CFTR: variants seen among roughly 807,000 people sequenced by gnomAD.
The protein encoded by CFTR is cystic fibrosis transmembrane conductance regulator.
Under a neutral mutation model 171.6 loss-of-function variants are expected in CFTR, and 181 were observed. That is an observed-to-expected ratio of 1.05 (90% CI 0.93 to 1.19). The LOEUF (loss-of-function observed/expected upper bound fraction) is 1.19, where lower values mean the gene tolerates loss of function less well. CFTR is among the 50% of genes most tolerant of loss of function. The pLI is 0.00. For missense variants in CFTR, 1,968 were observed against 1,734.7 expected, an observed-to-expected ratio of 1.13 and a Z score of -2.39; for synonymous variants, 583 against 608.0, an observed-to-expected ratio of 0.96 and a Z score of 0.60.
chr7:117,480,283 A>G, intron 1 of CFTR, 136 bp downstream of exon 1: 1 of 802,906 alleles, frequency 1.2e-6, no homozygotes, highest in Non-Finnish European at 2.2e-6. Flanking sequence ...TTGAAAGAAA[A>G]TGTGGGTATT....
In CFTR at chr7:117,667,904, GAAAGTGACAA is replaced by G. The variant is rs1730197338; in HGVS notation, c.*797_*806del. Reference sequence around the variant, plus strand: ...GTTGATATGCCTTTTCCCAACTCCAGAAAGTGACAAGCTCACAGACCTTTGAACTAGAGTT... The same window carrying G: ...GTTGATATGCCTTTTCCCAACTCCAGGCTCACAGACCTTTGAACTAGAGTT... On this transcript the variant is annotated 3_prime_UTR_variant, in exon 27 of 27. Transcript: ENST00000003084. 1 of 152,392 alleles carries G rather than the reference GAAAGTGACAA, an allele frequency of 6.6e-6. No individual in the cohort carries two copies. The highest frequency in any genetic ancestry group is 1.5e-5 in the Non-Finnish European group (1 of 68,216). 9.4% of individuals were successfully genotyped at this position (152,392 alleles called of 1,614,324 possible). A position where few individuals can be genotyped will look rare whatever the true frequency, so the allele number is the denominator to read the frequency against.
intron 11 of CFTR, among the ~76,000 whole-genome samples, chr7:117,581,386 CT>C (rs910419192): frequency 6.0e-5 from 9 of 151,204 alleles, no homozygotes; most frequent in East Asian, 3.9e-4. Context: ...TAAAAATCTG[CT>C]TTTTTTTTGT....
At chr7:117,578,571 G>A (rs1392935109) in intron 11 of CFTR, among the ~76,000 whole-genome samples, 4 of 152,004 alleles carry the variant, frequency 2.6e-5, no homozygotes, top group South Asian at 2.1e-4. Context: ...TTGTCCAAGG[G>A]CGTTGTCCAA....
At chr7:117,562,135 C>G (rs1464665934) in intron 11 of CFTR, among the ~76,000 whole-genome samples, 2 of 152,112 alleles carry the variant, frequency 1.3e-5, no homozygotes, top group Non-Finnish European at 2.9e-5. Flanking sequence ...TATTATCTCC[C>G]TTTGAGGTAA....
At chr7:117,501,472 G>A (rs374060774) in intron 1 of CFTR, among the ~76,000 whole-genome samples, 3 of 151,422 alleles carry the variant, frequency 2.0e-5, no homozygotes, top group East Asian at 1.9e-4. Flanking sequence ...TTGGCTGGGC[G>A]CACTGGCTCA....
At chr7:117,596,998 A>G (rs1254817284) in intron 15 of CFTR, among the ~76,000 whole-genome samples, 1 of 152,176 alleles carries the variant, frequency 6.6e-6, no homozygotes, top group Non-Finnish European at 1.5e-5. Flanking sequence ...TGTAAAACCA[A>G]TCTGCTGTCT....
At chr7:117,526,182 CA>C (rs916638534) in intron 3 of CFTR, among the ~76,000 whole-genome samples, 3 of 151,846 alleles carry the variant, frequency 2.0e-5, no homozygotes, top group African/African-American at 7.3e-5. Flanking sequence ...ACAGTGCAAT[CA>C]AACTAGAACT....
Position 117,667,792 on chromosome 7 carries a change from A to G in CFTR, c.*684A>G, listed in dbSNP as rs146818281. On this transcript the variant is annotated 3_prime_UTR_variant, in exon 27 of 27. Coordinates refer to ENST00000003084, the MANE Select transcript of CFTR (RefSeq NM_000492.4). Reference sequence around the variant, plus strand: ...GTCCAGGTCTACCAAAAATCTCAATATTTCAGATAATCACAATACATCCCT... The same window carrying G: ...GTCCAGGTCTACCAAAAATCTCAATGTTTCAGATAATCACAATACATCCCT... The G allele has an allele frequency of 1.4e-3, 226 of 156,868 alleles. No homozygotes were observed. Among genetic ancestry groups the G allele is most frequent in the Non-Finnish European group, 2.5e-3 (176 of 70,698 alleles). The allele number at this position is 156,868 out of a possible 1,614,324, so 9.7% of individuals were successfully genotyped here. A position where few individuals can be genotyped will look rare whatever the true frequency, so the allele number is the denominator to read the frequency against.
intron 23 of CFTR, among the ~76,000 whole-genome samples, chr7:117,651,428 T>C (rs1793088074): frequency 6.6e-6 from 1 of 152,190 alleles, no homozygotes; most frequent in African/African-American, 2.4e-5. Flanking sequence ...TAATTCTCTT[T>C]AGTTTTTCAG....
intron 22 of CFTR, among the ~76,000 whole-genome samples, chr7:117,628,212 T>C (rs1180141558): frequency 6.6e-6 from 1 of 152,214 alleles, no homozygotes; most frequent in South Asian, 2.1e-4. Flanking sequence ...TGTTTTTCTT[T>C]GAAGTTTTAA....
intron 23 of CFTR, among the ~76,000 whole-genome samples, chr7:117,645,574 C>T (rs1033297973): frequency 2.0e-5 from 3 of 152,164 alleles, no homozygotes; most frequent in Non-Finnish European, 4.4e-5. Flanking sequence ...TTTTTTTCTA[C>T]TTCTACTGCA....
rs55928397 is a variant in CFTR, at chr7:117,590,404, C to T, written c.1731C>T (p.Tyr577=). ...ATTTATTAGACTCTCCTTTTGGATA[C>T]CTAGATGTTTTAACAGAAAAAGAAA... is the stretch of plus-strand genomic sequence containing the variant. ...DLYLLDSPFG[Y]LDVLTEKEIF... is the part of the protein sequence containing the mutation. Residue 577 remains tyrosine (Y), a synonymous_variant, in exon 13 of 27, where the codon TAC becomes TAT. Coordinates refer to ENST00000003084, the MANE Select transcript of CFTR (RefSeq NM_000492.4). 2.3e-4 allele frequency: 364 copies of T among 1,603,002 alleles called. No individual in the cohort carries two copies. The highest frequency in any genetic ancestry group is 2.8e-4 in the Non-Finnish European group (328 of 1,172,174).
At chr7:117,599,076 T>C (rs560922536) in intron 15 of CFTR, among the ~76,000 whole-genome samples, 1 of 152,180 alleles carries the variant, frequency 6.6e-6, no homozygotes, top group Admixed American at 6.5e-5. Context: ...GATTGGGTAA[T>C]TTATTATTTT....
chr7:117,539,995 A>T, intron 7 of CFTR, 105 bp from the exon 8 acceptor site: 1 of 952,080 alleles, frequency 1.1e-6, no homozygotes, highest in Non-Finnish European at 1.6e-6. Context: ...TTAAAAATAT[A>T]GGCAGAAAGA....
chr7:117,480,367 A>G (rs1290548357), intron 1 of CFTR, among the ~76,000 whole-genome samples: 1 of 152,246 alleles, frequency 6.6e-6, no homozygotes, highest in Non-Finnish European at 1.5e-5. Flanking sequence ...AGCCACATCT[A>G]CTTGCAACTG....
At chr7:117,543,481 G>T (rs1799090850) in intron 9 of CFTR, among the ~76,000 whole-genome samples, 1 of 152,164 alleles carries the variant, frequency 6.6e-6, no homozygotes, top group South Asian at 2.1e-4. Context: ...TAGGTAGCAT[G>T]CTTGAGCCCT....
intron 11 of CFTR, among the ~76,000 whole-genome samples, chr7:117,562,703 A>G (rs1791535179): frequency 6.6e-6 from 1 of 152,184 alleles, no homozygotes. Flanking sequence ...GTTGGGGGAA[A>G]GAGACCATTT....
chr7:117,667,621 G>T lies in CFTR; in HGVS notation c.*513G>T. On this transcript the variant is annotated 3_prime_UTR_variant, in exon 27 of 27. Coordinates refer to ENST00000003084, the MANE Select transcript of CFTR (RefSeq NM_000492.4). Reference sequence around the variant, plus strand: ...GTTTAGAAACACAACTATATTGTTTGCTAAGCATTCCAACTATCTCATTTC... The same window carrying T: ...GTTTAGAAACACAACTATATTGTTTTCTAAGCATTCCAACTATCTCATTTC... 4.9e-6 allele frequency: 1 copy of T among 203,074 alleles called. No individual in the cohort carries two copies. Among genetic ancestry groups the T allele is most frequent in the East Asian group, 1.2e-4 (1 of 8,400 alleles). 12.6% of individuals were successfully genotyped at this position (203,074 alleles called of 1,614,324 possible). A position where few individuals can be genotyped will look rare whatever the true frequency, so the allele number is the denominator to read the frequency against.
At chr7:117,534,127 G>A in intron 4 of CFTR, 149 bp from the exon 5 acceptor site, 1 of 579,518 alleles carries the variant, frequency 1.7e-6, no homozygotes, top group Non-Finnish European at 3.1e-6. Flanking sequence ...AACCTGAGAA[G>A]ATAGTAAGCT....
Sources: allele counts gnomAD v4.1 joint callset (sites outside exome capture counted in the v4.1 genomes callset), GRCh38; gene constraint gnomAD v4.1.1; transcripts MANE v1.5; gene names NCBI Gene and HGNC (gene_info 2026-07-23, HGNC 2026-07-21).